GPR176: variants seen among roughly 807,000 people sequenced by gnomAD.
GPR176 encodes G-protein coupled receptor 176.
GPR176 carries 26 observed loss-of-function variants against 35.4 expected under a neutral mutation model. The observed-to-expected ratio is 0.74, with a 90% CI of 0.54 to 1.02. The LOEUF (loss-of-function observed/expected upper bound fraction) is 1.02, where lower values mean the gene tolerates loss of function less well. Among genes scored for constraint, GPR176 ranks in the 50% least tolerant of loss-of-function variants. The pLI, the probability that GPR176 is intolerant of heterozygous loss-of-function variation, is 0.00. For synonymous variants in GPR176, 278 were observed against 271.3 expected (o/e 1.02, Z -0.24); for missense variants, 597 against 665.3 (o/e 0.90, Z 1.13).
At chr15:39,905,764 T>C (rs1336434842) in intron 1 of GPR176, among the ~76,000 whole-genome samples, 2 of 151,976 alleles carry the variant, frequency 1.3e-5, no homozygotes, top group East Asian at 1.9e-4. Flanking sequence ...AGCAAAATTA[T>C]GGAAATGTAG....
intron 1 of GPR176, among the ~76,000 whole-genome samples, chr15:39,844,428 T>G (rs903281465): frequency 4.6e-5 from 7 of 152,080 alleles, no homozygotes; most frequent in Non-Finnish European, 8.8e-5. Flanking sequence ...TAGCTATTCA[T>G]CTACCCCAGA....
chr15:39,820,036 G>A (rs1004310669), intron 1 of GPR176, among the ~76,000 whole-genome samples: 8 of 152,206 alleles, frequency 5.3e-5, no homozygotes. Context: ...AGCTAGAAAT[G>A]GCATTCCAAT....
Position 39,801,227 on chromosome 15 carries a change from C to T in GPR176, c.1453G>A (p.Glu485Lys). 6.2e-7 allele frequency: 1 copy of T among 1,614,150 alleles called. No homozygotes were observed. The highest frequency in any genetic ancestry group is 8.5e-7 in the Non-Finnish European group (1 of 1,179,952). Residue 485 changes from glutamate (E) to lysine (K), a missense_variant, in exon 3 of 3, where the codon GAG (glutamate) becomes AAG (lysine). Glu to Lys is a moderately conservative substitution (Grantham distance 56). This residue lies in a region of GPR176 where 251 missense variants were observed against 255.4 expected (regional missense o/e 0.98). Coordinates refer to ENST00000561100, the MANE Select transcript of GPR176 (RefSeq NM_007223.3). ...LLPPLGNTPE[E>K]LIQTKVPKVG... The stretch of plus-strand genomic sequence containing the variant: ...TTGGGCACCTTTGTCTGGATCAGCT[C>T]TTCTGGGGTGTTGCCCAAGGGGGGA...
intron 1 of GPR176, among the ~76,000 whole-genome samples, chr15:39,842,783 G>A (rs1385839850): frequency 2.0e-5 from 3 of 152,072 alleles, no homozygotes; most frequent in African/African-American, 7.2e-5. Flanking sequence ...CTAGTTTATG[G>A]TATTTTGTTA....
chr15:39,814,565 G>T (rs1261224371), intron 1 of GPR176, among the ~76,000 whole-genome samples: 2 of 152,004 alleles, frequency 1.3e-5, no homozygotes, highest in Non-Finnish European at 2.9e-5. Flanking sequence ...AATTAATTTT[G>T]CCACCTGTTG....
chr15:39,897,865 C>A (rs1003796352), intron 1 of GPR176, among the ~76,000 whole-genome samples: 1 of 152,188 alleles, frequency 6.6e-6, no homozygotes, highest in African/African-American at 2.4e-5. Flanking sequence ...GCCTCAGTGT[C>A]TGCATCTTTT....
chr15:39,842,004 T>C (rs1411493621), intron 1 of GPR176, among the ~76,000 whole-genome samples: 3 of 152,134 alleles, frequency 2.0e-5, no homozygotes, highest in Non-Finnish European at 4.4e-5. Flanking sequence ...GGGGCCCCTT[T>C]TGAGCTCATC....
chr15:39,909,941 G>A, intron 1 of GPR176: 1 of 940,204 alleles, frequency 1.1e-6, no homozygotes, highest in Non-Finnish European at 1.3e-6. Flanking sequence ...ATTTTCACAA[G>A]GAAACATTTT....
At chr15:39,880,517 C>G (rs1218322950) in intron 1 of GPR176, among the ~76,000 whole-genome samples, 1 of 152,168 alleles carries the variant, frequency 6.6e-6, no homozygotes, top group Non-Finnish European at 1.5e-5. Flanking sequence ...GATGACCCTC[C>G]AGCTTTAGAT....
At chr15:39,861,952 C>T (rs576666582) in intron 1 of GPR176, 3 of 152,290 alleles carry the variant, frequency 2.0e-5, no homozygotes, top group Admixed American at 1.3e-4. Context: ...GGCTGAGTCC[C>T]TCTCTGTTCT....
chr15:39,861,767 C>T (rs2031602926), intron 1 of GPR176, among the ~76,000 whole-genome samples: 1 of 152,136 alleles, frequency 6.6e-6, no homozygotes, highest in Non-Finnish European at 1.5e-5. Context: ...TGGAGAGTTG[C>T]TAGTATTTCA....
intron 1 of GPR176, among the ~76,000 whole-genome samples, chr15:39,894,756 G>A (rs1025914254): frequency 6.6e-6 from 1 of 151,012 alleles, no homozygotes; most frequent in African/African-American, 2.4e-5. Context: ...AGGCAGAGGG[G>A]CTCCTCACAT....
chr15:39,857,034 T>A (rs1183032255), intron 1 of GPR176, among the ~76,000 whole-genome samples: 1 of 152,202 alleles, frequency 6.6e-6, no homozygotes, highest in Non-Finnish European at 1.5e-5. Context: ...ACAGTAGGCA[T>A]TCCATATATA....
At chr15:39,900,246 A>G (rs1350622714) in intron 1 of GPR176, among the ~76,000 whole-genome samples, 1 of 152,004 alleles carries the variant, frequency 6.6e-6, no homozygotes, top group Non-Finnish European at 1.5e-5. Flanking sequence ...AAAAAGAAGA[A>G]GCCTAACAGC....
At chr15:39,907,983 TCAAAAA>T in intron 1 of GPR176, among the ~76,000 whole-genome samples, 1 of 152,118 alleles carries the variant, frequency 6.6e-6, no homozygotes, top group Non-Finnish European at 1.5e-5. Flanking sequence ...AGACCCTGTC[TCAAAAA>T]CAAAAACAAA....
At chr15:39,892,147 A>T (rs1305311077) in intron 1 of GPR176, among the ~76,000 whole-genome samples, 1 of 152,236 alleles carries the variant, frequency 6.6e-6, no homozygotes, top group Non-Finnish European at 1.5e-5. Context: ...CATCCTTAGG[A>T]ATAAGACTTA....
intron 1 of GPR176, among the ~76,000 whole-genome samples, chr15:39,857,708 C>T (rs1428227073): frequency 2.6e-5 from 4 of 151,926 alleles, no homozygotes; most frequent in Non-Finnish European, 4.4e-5. Flanking sequence ...GTGGCTTGTG[C>T]CTGTAATCCC....
At chr15:39,904,017 C>A (rs2033353497) in intron 1 of GPR176, among the ~76,000 whole-genome samples, 1 of 152,172 alleles carries the variant, frequency 6.6e-6, no homozygotes, top group South Asian at 2.1e-4. Context: ...TTATTCATGC[C>A]TTCCCTTTTT....
chr15:39,904,729 G>A (rs145657458), intron 1 of GPR176, among the ~76,000 whole-genome samples: 9 of 152,290 alleles, frequency 5.9e-5, no homozygotes, highest in East Asian at 5.8e-4. Context: ...TGCACTCCCC[G>A]AACTTATGGG....
Sources: allele counts gnomAD v4.1 joint callset (sites outside exome capture counted in the v4.1 genomes callset), GRCh38; gene constraint gnomAD v4.1.1; regional missense constraint gnomAD v4.1.1; transcripts MANE v1.5; gene names NCBI Gene and HGNC (gene_info 2026-07-23, HGNC 2026-07-21).